MYO16: variants seen among roughly 807,000 people sequenced by gnomAD.
MYO16 encodes the protein myosin XVI.
MYO16 carries 94 observed loss-of-function variants against 205.3 expected under a neutral mutation model. That is an observed-to-expected ratio of 0.46 (90% confidence interval 0.39 to 0.54). The LOEUF is 0.54. Ranked by LOEUF, MYO16 falls within the 20% of genes least tolerant of loss-of-function variation. The probability of loss-of-function intolerance (pLI) is 0.00; values close to 1 mark genes in which losing one functional copy is unlikely to be tolerated. For missense variants in MYO16, 2,315 were observed against 2,387.5 expected, an observed-to-expected ratio of 0.97 and a Z score of 0.63; for synonymous variants, 988 against 954.0, an observed-to-expected ratio of 1.04 and a Z score of -0.66.
chr13:108,639,506 C>A (rs920870248), intron 1 of MYO16, among the ~76,000 whole-genome samples: 9 of 152,190 alleles, frequency 5.9e-5, no homozygotes, highest in African/African-American at 1.9e-4. Context: ...TTCAAACCTG[C>A]ACTGTCCAGA....
chr13:109,170,134 A>T (rs2139891029), intron 33 of MYO16, among the ~76,000 whole-genome samples: 1 of 151,858 alleles, frequency 6.6e-6, no homozygotes, highest in South Asian at 2.1e-4. Flanking sequence ...GAAAAAAGAA[A>T]AAAAAAAACA....
At chr13:108,721,030 G>C (rs938340841) in intron 3 of MYO16, among the ~76,000 whole-genome samples, 2 of 152,132 alleles carry the variant, frequency 1.3e-5, no homozygotes, top group African/African-American at 4.8e-5. Flanking sequence ...TAAGTTCGAA[G>C]TTCCCTTTGC....
chr13:109,163,128 G>A (rs908648527), intron 32 of MYO16, among the ~76,000 whole-genome samples: 7 of 150,674 alleles, frequency 4.6e-5, no homozygotes, highest in Non-Finnish European at 7.4e-5. Flanking sequence ...TCTATCCAGC[G>A]TTTCCTGCTC....
At chr13:108,603,677 G>A (rs1407141128) in intron 1 of MYO16, among the ~76,000 whole-genome samples, 2 of 151,838 alleles carry the variant, frequency 1.3e-5, no homozygotes, top group African/African-American at 4.8e-5. Flanking sequence ...TCTATATTTT[G>A]CTATATTTAG....
At chr13:109,093,497 T>C (rs1332941752) in intron 27 of MYO16, among the ~76,000 whole-genome samples, 1 of 152,154 alleles carries the variant, frequency 6.6e-6, no homozygotes, top group Non-Finnish European at 1.5e-5. Flanking sequence ...CTTCCGAAGC[T>C]CCACCCAAAT....
At chr13:108,598,613 A>T (rs190065318) in intron 1 of MYO16, among the ~76,000 whole-genome samples, 11 of 152,310 alleles carry the variant, frequency 7.2e-5, no homozygotes, top group Admixed American at 5.2e-4. Context: ...TTGCTACTTC[A>T]TAGAAAAAAT....
At chr13:109,171,024 G>A (rs1411275444) in intron 33 of MYO16, among the ~76,000 whole-genome samples, 1 of 152,210 alleles carries the variant, frequency 6.6e-6, no homozygotes, top group African/African-American at 2.4e-5. Context: ...AAAGCAACTT[G>A]ACACATTTAT....
At chr13:108,541,453 A>G in the MYO16 span, among the ~76,000 whole-genome samples, 1 of 151,718 alleles carries the variant, frequency 6.6e-6, no homozygotes, top group African/African-American at 2.4e-5. Flanking sequence ...TATAAGAAAT[A>G]CACTTTTTGA....
At chr13:108,727,030 A>T (rs1884364184) in intron 3 of MYO16, among the ~76,000 whole-genome samples, 5 of 150,448 alleles carry the variant, frequency 3.3e-5, no homozygotes, top group Admixed American at 2.7e-4. Flanking sequence ...AAATAGTTAC[A>T]CTTTATTCTT....
intron 2 of MYO16, among the ~76,000 whole-genome samples, chr13:108,700,521 C>T (rs531806752): frequency 1.3e-4 from 20 of 152,220 alleles, no homozygotes; most frequent in African/African-American, 3.9e-4. Flanking sequence ...AAACCAGCAG[C>T]CTCGGAGCCA....
intron 34 of MYO16, among the ~76,000 whole-genome samples, chr13:109,198,608 AT>A (rs1385354932): frequency 6.6e-6 from 1 of 152,200 alleles, no homozygotes. Context: ...CCTATTTAGC[AT>A]TACTTAACTG....
rs368550440 is a variant in MYO16 at position 108,641,405 on chromosome 13, C to T, written c.28+11533C>T. On this transcript the variant is annotated intron_variant, in intron 1 of 34. Transcript: ENST00000457511. ...GACAGGAAAGGCAGGCACAAATTAA[C>T]GAATGCTTTTGTGGAAATCAATTGG... Among the ~76,000 whole-genome samples the T allele has an allele frequency of 2.6e-4, 40 of 152,196 alleles. 1 individual carries two copies. In the East Asian group the frequency reaches 3.5e-3, roughly 13 times the overall value.
At chr13:109,044,328 A>G (rs534348888) in intron 23 of MYO16, among the ~76,000 whole-genome samples, 52 of 152,320 alleles carry the variant, frequency 3.4e-4, no homozygotes, top group South Asian at 6.2e-4. Context: ...AATAACGTTA[A>G]TAGGCTATTA....
chr13:109,054,848 A>G (rs1439517560), intron 25 of MYO16, among the ~76,000 whole-genome samples, 198 bp from the exon 26 acceptor site: 2 of 151,860 alleles, frequency 1.3e-5, no homozygotes, highest in African/African-American at 4.8e-5. Flanking sequence ...AGTAAAATAA[A>G]TTTGCTCACT....
At chr13:108,853,958 G>GTGTGTGTGTA (rs1878033050) in intron 10 of MYO16, among the ~76,000 whole-genome samples, 1 of 109,902 alleles carries the variant, frequency 9.1e-6, no homozygotes, top group Admixed American at 9.1e-5. Context: ...CTATTATTGT[G>GTGTGTGTGTA]TGTGTGTGTG....
At chr13:108,852,044 C>T (rs2139092059) in intron 10 of MYO16, among the ~76,000 whole-genome samples, 1 of 152,316 alleles carries the variant, frequency 6.6e-6, no homozygotes, top group South Asian at 2.1e-4. Flanking sequence ...AGAGACATCT[C>T]TCCCCACATC....
chr13:108,775,858 G>C (rs1171152655), intron 4 of MYO16, among the ~76,000 whole-genome samples: 2 of 152,202 alleles, frequency 1.3e-5, no homozygotes, highest in African/African-American at 4.8e-5. Context: ...ACATGTGCGA[G>C]GGTGAGACAT....
chr13:108,717,707 G>T (rs906118918), intron 3 of MYO16, among the ~76,000 whole-genome samples: 7 of 151,910 alleles, frequency 4.6e-5, no homozygotes, highest in Non-Finnish European at 1.0e-4. Flanking sequence ...GCCCAAAGCG[G>T]GTTACAGAAT....
the MYO16 span, among the ~76,000 whole-genome samples, chr13:108,581,000 T>A: frequency 1.3e-5 from 2 of 152,218 alleles, no homozygotes; most frequent in Non-Finnish European, 2.9e-5. Context: ...TATAATGAAA[T>A]GTAAAATTAA....
Sources: allele counts gnomAD v4.1 joint callset (sites outside exome capture counted in the v4.1 genomes callset), GRCh38; gene constraint gnomAD v4.1.1; transcripts MANE v1.5; gene names NCBI Gene and HGNC (gene_info 2026-07-23, HGNC 2026-07-21).